The following AGBL1 variants were observed in gnomAD, a reference collection of about 807,000 sequenced individuals.
AGBL1 encodes the protein cytosolic carboxypeptidase 4.
AGBL1 carries 130 observed loss-of-function variants against 118.9 expected under a neutral mutation model. The observed-to-expected ratio is 1.09, with a 90% CI of 0.95 to 1.26. The LOEUF (loss-of-function observed/expected upper bound fraction) is 1.26. Ranked by LOEUF, AGBL1 falls within the 50% of genes most tolerant of loss-of-function variation. The pLI, the probability that AGBL1 is intolerant of heterozygous loss-of-function variation, is 0.00. For missense variants in AGBL1, 1,584 were observed against 1,298.1 expected (o/e 1.22, Z -3.38); for synonymous variants, 555 against 478.9 (o/e 1.16, Z -2.08).
intron 21 of AGBL1, among the ~76,000 whole-genome samples, chr15:86,602,498 C>T (rs1257130640): frequency 6.6e-6 from 1 of 152,148 alleles, no homozygotes; most frequent in Non-Finnish European, 1.5e-5. Context: ...TGAGATGAAA[C>T]CCAGGTATGC....
chr15:86,316,668 C>A (rs2080016685), intron 17 of AGBL1: 1 of 152,196 alleles, frequency 6.6e-6, no homozygotes, highest in African/African-American at 2.4e-5. Flanking sequence ...GGAGCAAATT[C>A]ATGGTAAGGG....
chr15:86,483,522 T>C (rs550149709), intron 18 of AGBL1, among the ~76,000 whole-genome samples: 41 of 152,196 alleles, frequency 2.7e-4, no homozygotes, highest in Admixed American at 5.9e-4. Flanking sequence ...TATTCTGAGG[T>C]TTCTCTGCAG....
At chr15:86,773,573 A>G (rs988964926) in intron 22 of AGBL1, among the ~76,000 whole-genome samples, 34 of 139,908 alleles carry the variant, frequency 2.4e-4, no homozygotes, top group African/African-American at 8.0e-4. Flanking sequence ...TCATTGTTCA[A>G]TTCCCACCTA....
intron 21 of AGBL1, among the ~76,000 whole-genome samples, chr15:86,644,636 CAAAA>C (rs202060119): frequency 1.8e-5 from 2 of 112,084 alleles, no homozygotes; most frequent in Non-Finnish European, 3.9e-5. Context: ...GGCCTGAACT[CAAAA>C]AAAAAAAAAA....
chr15:86,083,956 A>G (rs966402837), intron 1 of AGBL1, among the ~76,000 whole-genome samples: 11 of 152,330 alleles, frequency 7.2e-5, no homozygotes, highest in African/African-American at 2.4e-4. Context: ...TTTAGATAGC[A>G]AACACTGTGT....
At chr15:86,512,180 T>A (rs2083060022) in intron 18 of AGBL1, among the ~76,000 whole-genome samples, 1 of 151,938 alleles carries the variant, frequency 6.6e-6, no homozygotes, top group East Asian at 1.9e-4. Context: ...AAAACCATTA[T>A]AGTAAGGTAA....
chr15:86,309,810 G>A (rs1012237460), intron 17 of AGBL1, among the ~76,000 whole-genome samples: 4 of 152,124 alleles, frequency 2.6e-5, no homozygotes, highest in Admixed American at 2.0e-4. Context: ...ATGTTTTAAT[G>A]TGCTCTCAAA....
intron 5 of AGBL1, among the ~76,000 whole-genome samples, chr15:86,198,018 A>T (rs990132525): frequency 8.5e-5 from 13 of 152,172 alleles, no homozygotes; most frequent in African/African-American, 2.4e-4. Flanking sequence ...CCTTGGTTTC[A>T]AGAGGCCAAG....
intron 22 of AGBL1, among the ~76,000 whole-genome samples, chr15:86,816,511 G>C (rs575350230): frequency 6.6e-6 from 1 of 152,220 alleles, no homozygotes; most frequent in Non-Finnish European, 1.5e-5. Flanking sequence ...CATAGTTGTA[G>C]AACATTCATC....
chr15:86,466,526 G>C (rs2082409610), intron 18 of AGBL1, among the ~76,000 whole-genome samples: 1 of 152,146 alleles, frequency 6.6e-6, no homozygotes, highest in Non-Finnish European at 1.5e-5. Flanking sequence ...ATCCAGTTTT[G>C]TTCCCTTGCT....
intron 24 of AGBL1, among the ~76,000 whole-genome samples, chr15:86,988,972 T>G (rs1480772584): frequency 6.6e-6 from 1 of 151,782 alleles, no homozygotes; most frequent in Non-Finnish European, 1.5e-5. Context: ...ATATACTTAT[T>G]CATCTCTGAT....
intron 22 of AGBL1, among the ~76,000 whole-genome samples, chr15:86,806,472 G>A (rs1374031709): frequency 3.3e-5 from 5 of 152,152 alleles, no homozygotes; most frequent in African/African-American, 1.2e-4. Flanking sequence ...GAAATCTCAG[G>A]AGATGGACCT....
Position 86,998,020 on chromosome 15 carries a change from GC to G in AGBL1, c.3323+9933del, listed in dbSNP as rs77843439. On this transcript the variant is annotated intron_variant, in intron 24 of 24. Transcript: ENST00000441037. ...ATGAACTAGATATGTAACACATTGA[GC>G]TATGTATATATAGTAGATTGAATGT... is the stretch of plus-strand genomic sequence containing the variant. Among the ~76,000 whole-genome samples the G allele has an allele frequency of 2.0e-3, 300 of 151,820 alleles. 6 individuals carry two copies. In the East Asian group the frequency reaches 0.044, roughly 22 times the overall value.
intron 21 of AGBL1, among the ~76,000 whole-genome samples, chr15:86,672,037 A>T (rs968485797): frequency 6.6e-6 from 1 of 152,192 alleles, no homozygotes; most frequent in African/African-American, 2.4e-5. Context: ...GCGCCACTGT[A>T]CTCCAGCTTG....
In AGBL1 at chr15:86,753,966, G is replaced by A. The variant is rs774321867; in HGVS notation, c.3158+79530G>A. On this transcript the variant is annotated intron_variant, in intron 22 of 22. Coordinates refer to ENST00000614907, the MANE Select transcript of AGBL1 (RefSeq NM_001386094.1). ...TCCATACCTCCTATGTCCTAAGCATGTTGAGAATCTTACTCATCATATGCT... is the reference window on the plus strand; with the variant it reads ...TCCATACCTCCTATGTCCTAAGCATATTGAGAATCTTACTCATCATATGCT... Among the ~76,000 whole-genome samples, 11 of 152,154 alleles carry A rather than the reference G, an allele frequency of 7.2e-5. No individual in the cohort carries two copies. The South Asian group carries it at 1.0e-3, about 14-fold the overall frequency.
intron 17 of AGBL1, among the ~76,000 whole-genome samples, chr15:86,310,640 G>T (rs1257649056): frequency 6.6e-6 from 1 of 152,180 alleles, no homozygotes; most frequent in East Asian, 1.9e-4. Context: ...GTGTTCGCAG[G>T]GGCTGAACGA....
chr15:86,181,154 C>T (rs1285367755), intron 5 of AGBL1, among the ~76,000 whole-genome samples: 3 of 152,086 alleles, frequency 2.0e-5, no homozygotes, highest in Non-Finnish European at 4.4e-5. Context: ...ACACACTCCT[C>T]TTCTGGGTAT....
intron 22 of AGBL1, among the ~76,000 whole-genome samples, chr15:86,720,750 C>T (rs556136682): frequency 7.3e-4 from 111 of 152,132 alleles, no homozygotes; most frequent in African/African-American, 2.5e-3. Flanking sequence ...GTGGATAGAT[C>T]GCTAGCAAGA....
chr15:86,391,071 A>C (rs542037376), intron 17 of AGBL1, among the ~76,000 whole-genome samples: 1 of 152,092 alleles, frequency 6.6e-6, no homozygotes, highest in South Asian at 2.1e-4. Context: ...GGTGGGGTGA[A>C]AGGATTGCCT....
Sources: gnomAD v4.1 joint callset for allele counts (sites outside exome capture counted in the v4.1 genomes callset) on GRCh38, gnomAD v4.1.1 for gene constraint, MANE v1.5 for transcripts, NCBI Gene and HGNC (gene_info 2026-07-23, HGNC 2026-07-21) for gene names.